The following TPO variants were observed in gnomAD, a reference collection of about 807,000 sequenced individuals.
TPO encodes thyroid peroxidase, also known as thyroid microsomal antigen.
Under a neutral mutation model 96.9 loss-of-function variants are expected in TPO, and 78 were observed. The observed-to-expected ratio is 0.81, with a 90% CI of 0.67 to 0.97. The LOEUF (loss-of-function observed/expected upper bound fraction) is 0.97, where lower values mean the gene tolerates loss of function less well. Among genes scored for constraint, TPO ranks in the 50% least tolerant of loss-of-function variants. The probability of loss-of-function intolerance (pLI) is 0.00; values close to 1 mark genes in which losing one functional copy is unlikely to be tolerated. For synonymous variants in TPO, 547 were observed against 538.0 expected (o/e 1.02, Z -0.23); for missense variants, 1,252 against 1,274.8 (o/e 0.98, Z 0.27).
intron 10 of TPO, among the ~76,000 whole-genome samples, chr2:1,492,941 AGAG>A (rs1671914456): frequency 6.6e-6 from 1 of 152,024 alleles, no homozygotes; most frequent in South Asian, 2.1e-4. Flanking sequence ...AGCTGAACCA[AGAG>A]GAGTGGATGA....
chr2:1,488,917 G>GCC (rs1280591456), intron 10 of TPO, among the ~76,000 whole-genome samples: 4 of 152,308 alleles, frequency 2.6e-5, no homozygotes, highest in South Asian at 2.1e-4. Flanking sequence ...TGCAGAAGGG[G>GCC]CCCCTATGTG....
At chr2:1,394,625 C>G (rs989230869) in intron 1 of TPO, among the ~76,000 whole-genome samples, 10 of 152,202 alleles carry the variant, frequency 6.6e-5, no homozygotes, top group Non-Finnish European at 5.9e-5. Context: ...GAGGATGGAA[C>G]AGGCAAATGC....
intron 15 of TPO, among the ~76,000 whole-genome samples, chr2:1,534,918 CCT>C (rs1491086398): frequency 2.4e-5 from 3 of 123,356 alleles, no homozygotes; most frequent in African/African-American, 2.9e-5. Context: ...TCCCCAAATC[CCT>C]CCCCAATGTG....
At chr2:1,506,251 T>C (rs1333415023) in intron 14 of TPO, among the ~76,000 whole-genome samples, 1 of 151,342 alleles carries the variant, frequency 6.6e-6, no homozygotes, top group African/African-American at 2.4e-5. Flanking sequence ...CTATGGTATA[T>C]ATGTGCCACA....
intron 5 of TPO, among the ~76,000 whole-genome samples, chr2:1,449,290 T>C (rs1323108036): frequency 2.0e-5 from 3 of 152,276 alleles, no homozygotes; most frequent in Non-Finnish European, 4.4e-5. Flanking sequence ...TCCAGATATT[T>C]TGTGTTAAAA....
chr2:1,534,839 A>C, intron 15 of TPO, among the ~76,000 whole-genome samples: 1 of 73,276 alleles, frequency 1.4e-5, no homozygotes, highest in Non-Finnish European at 2.5e-5. Flanking sequence ...CAAGTCCCCC[A>C]CTGTGTGTAA....
chr2:1,376,207 G>A (rs1439024369), intron 1 of TPO, among the ~76,000 whole-genome samples: 2 of 152,174 alleles, frequency 1.3e-5, no homozygotes, highest in Non-Finnish European at 2.9e-5. Flanking sequence ...CCTGCCCCAG[G>A]AACCAGGGCC....
chr2:1,528,968 C>T (rs1573580970), intron 15 of TPO, among the ~76,000 whole-genome samples: 2 of 144,430 alleles, frequency 1.4e-5, no homozygotes, highest in African/African-American at 2.6e-5. Flanking sequence ...TCCTAAAATC[C>T]CCCCACTGTG....
At chr2:1,542,261 C>G in intron 16 of TPO, 160 bp from the exon 17 acceptor site, 1 of 1,029,518 alleles carries the variant, frequency 9.7e-7, no homozygotes. Flanking sequence ...AAGCCAGAAA[C>G]TTCCCTCCAG....
intron 15 of TPO, among the ~76,000 whole-genome samples, chr2:1,533,395 T>A (rs1678806145): frequency 8.7e-6 from 1 of 114,712 alleles, no homozygotes; most frequent in Admixed American, 1.1e-4. Flanking sequence ...ATCCCCACAC[T>A]GTTTGCAACC....
intron 7 of TPO, among the ~76,000 whole-genome samples, chr2:1,463,788 G>A (rs535831136): frequency 1.3e-5 from 2 of 152,304 alleles, no homozygotes; most frequent in Admixed American, 6.5e-5. Context: ...ATGTAGCTAT[G>A]AATGTATCGA....
chr2:1,460,038 C>T (rs955987053), intron 7 of TPO, among the ~76,000 whole-genome samples: 5 of 151,682 alleles, frequency 3.3e-5, no homozygotes, highest in East Asian at 1.9e-4. Flanking sequence ...CGGATATAAG[C>T]GATTCTCCTG....
chr2:1,525,867 T>C (rs1447347911), intron 15 of TPO, among the ~76,000 whole-genome samples: 10 of 125,630 alleles, frequency 8.0e-5, no homozygotes, highest in Admixed American at 8.5e-5. Flanking sequence ...TCCCCCACAA[T>C]GTGTGCAAAC....
chr2:1,482,464 C>T (rs116078723), intron 8 of TPO, among the ~76,000 whole-genome samples: 2,874 of 152,136 alleles, frequency 0.019, 86 homozygotes, highest in African/African-American at 0.066. Context: ...TACATGGCAC[C>T]GCCAGCAGAG....
At chr2:1,497,991 C>CAAAAAAAAAAAAAAA (rs543921082) in intron 13 of TPO, among the ~76,000 whole-genome samples, 4 of 87,272 alleles carry the variant, frequency 4.6e-5, no homozygotes, top group African/African-American at 1.9e-4. Context: ...CCCCATCTAC[C>CAAAAAAAAAAAAAAA]AAAAAAAAAA....
At chr2:1,448,590 C>G (rs1667037302) in intron 5 of TPO, among the ~76,000 whole-genome samples, 1 of 152,230 alleles carries the variant, frequency 6.6e-6, no homozygotes, top group Admixed American at 6.5e-5. Flanking sequence ...CTCTCAGCCA[C>G]TCCTCGGCAT....
At chr2:1,477,047 G>A (rs563236975) in intron 7 of TPO, 39 bp from the exon 8 acceptor site, 10 of 1,587,612 alleles carry the variant, frequency 6.3e-6, no homozygotes, top group African/African-American at 4.0e-5. Flanking sequence ...AAGGGTGCAC[G>A]GGGGCCCTGG....
At chr2:1,479,406 C>A (rs1470762396) in intron 8 of TPO, among the ~76,000 whole-genome samples, 1 of 152,200 alleles carries the variant, frequency 6.6e-6, no homozygotes, top group Admixed American at 6.5e-5. Flanking sequence ...AGTAGAATCT[C>A]AAAAATAATT....
At chr2:1,422,542 C>T (rs1389322064) in intron 2 of TPO, among the ~76,000 whole-genome samples, 3 of 152,312 alleles carry the variant, frequency 2.0e-5, no homozygotes, top group East Asian at 1.9e-4. Context: ...AAACACTTGC[C>T]GTCTTCCTGT....
Sources: gnomAD v4.1 joint callset for allele counts (sites outside exome capture counted in the v4.1 genomes callset) on GRCh38, gnomAD v4.1.1 for gene constraint, MANE v1.5 for transcripts, NCBI Gene and HGNC (gene_info 2026-07-23, HGNC 2026-07-21) for gene names.